The following GLI3 variants were observed in gnomAD, a reference collection of about 807,000 sequenced individuals.
GLI3 encodes transcription activator GLI3.
A neutral mutation model predicts 100.8 loss-of-function variants in GLI3; 20 were observed. That is an observed-to-expected ratio of 0.20 (90% CI 0.14 to 0.29). The LOEUF (loss-of-function observed/expected upper bound fraction) is 0.29, where lower values mean the gene tolerates loss of function less well. Ranked by LOEUF, GLI3 falls within the 10% of genes least tolerant of loss-of-function variation. The pLI is 1.00. For synonymous variants in GLI3, 938 were observed against 860.5 expected, an observed-to-expected ratio of 1.09 and a Z score of -1.58; for missense variants, 2,040 against 2,128.5, an observed-to-expected ratio of 0.96 and a Z score of 0.82.
At position 41,964,681 on chromosome 7, in the gene GLI3, G is replaced by T. The variant is rs566409623; in HGVS notation, c.4392C>A (p.Asp1464Glu). The part of the protein sequence containing the change: ...DTKAGSFSIS[D>E]ASCLLQGTSA... ...TGGTCCCCTGTAGCAGGCAGCTGGC[G>T]TCTGAAATAGAGAATGAACCAGCTT... Residue 1464 changes from aspartate to glutamate, a missense_variant, in exon 15 of 15, where the codon GAC (aspartate) becomes GAA (glutamate). By Grantham distance (45) the Asp-to-Glu change is conservative (BLOSUM62 2). Around this residue, in one of 5 missense-constraint regions of GLI3, gnomAD observed 1,041 missense variants for 924.0 expected, o/e 1.13. Transcript: ENST00000395925. The T allele has an allele frequency of 4.0e-5, 65 of 1,613,826 alleles. No homozygotes were observed. The highest frequency in any genetic ancestry group is 5.3e-5 in the Non-Finnish European group (63 of 1,179,838).
At chr7:42,045,828 T>C (rs2128741432) in intron 5 of GLI3, among the ~76,000 whole-genome samples, 1 of 152,334 alleles carries the variant, frequency 6.6e-6, no homozygotes, top group Admixed American at 6.5e-5. Context: ...CATAACCACA[T>C]TTGCCCCCCA....
chr7:41,980,323 G>A (rs1312405580), intron 10 of GLI3, among the ~76,000 whole-genome samples: 1 of 152,186 alleles, frequency 6.6e-6, no homozygotes, highest in East Asian at 1.9e-4. Flanking sequence ...GAGAACAGAT[G>A]TTCTGGACAG....
intron 6 of GLI3, among the ~76,000 whole-genome samples, chr7:42,040,681 A>G (rs1283372943): frequency 1.3e-5 from 2 of 152,150 alleles, no homozygotes; most frequent in Non-Finnish European, 2.9e-5. Context: ...AATGAATTAA[A>G]GTATCCTAAG....
intron 3 of GLI3, among the ~76,000 whole-genome samples, chr7:42,141,356 C>T (rs556789036): frequency 6.6e-6 from 1 of 152,244 alleles, no homozygotes; most frequent in South Asian, 2.1e-4. Context: ...GAGTGAAATG[C>T]CAGCTTATTC....
chr7:41,984,547 G>A (rs1177497482), intron 10 of GLI3, among the ~76,000 whole-genome samples: 4 of 152,154 alleles, frequency 2.6e-5, no homozygotes, highest in South Asian at 4.1e-4. Flanking sequence ...AACCCTGCCC[G>A]AGGGAATCAC....
At chr7:42,229,069 C>CA (rs375712179) in intron 1 of GLI3, among the ~76,000 whole-genome samples, 4 of 152,250 alleles carry the variant, frequency 2.6e-5, no homozygotes, top group Middle Eastern at 3.4e-3. Context: ...GCACCCATGC[C>CA]AAAGCCAACG....
chr7:42,197,360 G>A (rs773765932), intron 2 of GLI3, among the ~76,000 whole-genome samples: 16 of 152,272 alleles, frequency 1.1e-4, no homozygotes, highest in East Asian at 1.9e-4. Flanking sequence ...AAGATGCCCC[G>A]GCAGAAGTTA....
intron 2 of GLI3, among the ~76,000 whole-genome samples, chr7:42,194,221 C>A (rs1787882123): frequency 6.6e-6 from 1 of 152,126 alleles, no homozygotes; most frequent in Non-Finnish European, 1.5e-5. Context: ...GGTACACAGA[C>A]CACATCAAAA....
intron 3 of GLI3, 27 bp from the exon 4 acceptor site, chr7:42,076,884 T>C (rs1784889189): frequency 7.4e-7 from 1 of 1,348,240 alleles, no homozygotes; most frequent in Non-Finnish European, 1.1e-6. Flanking sequence ...GCCCAATCTA[T>C]ATCAAATGAA....
chr7:42,033,447 C>T (rs771759409), intron 7 of GLI3, among the ~76,000 whole-genome samples: 8 of 152,200 alleles, frequency 5.3e-5, no homozygotes, highest in Non-Finnish European at 1.0e-4. Context: ...TAGTTTACTA[C>T]AGGCCGAAGA....
chr7:42,188,175 G>A (rs1051474849), intron 2 of GLI3, among the ~76,000 whole-genome samples: 2 of 152,020 alleles, frequency 1.3e-5, no homozygotes, highest in African/African-American at 4.8e-5. Flanking sequence ...TTCTAGAGCC[G>A]TCAGAGGGAG....
intron 2 of GLI3, among the ~76,000 whole-genome samples, chr7:42,193,884 C>T (rs1330767504): frequency 6.6e-6 from 1 of 152,168 alleles, no homozygotes; most frequent in African/African-American, 2.4e-5. Flanking sequence ...TAGCATGTTC[C>T]CATATTTGCC....
At chr7:42,247,308 C>T (rs866846993) in intron 1 of GLI3, among the ~76,000 whole-genome samples, 2 of 152,162 alleles carry the variant, frequency 1.3e-5, no homozygotes, top group African/African-American at 2.4e-5. Flanking sequence ...CTTCTTCCAG[C>T]CCCCAGTTGT....
chr7:42,041,414 A>G (rs1379907563), intron 6 of GLI3, among the ~76,000 whole-genome samples: 1 of 152,250 alleles, frequency 6.6e-6, no homozygotes, highest in African/African-American at 2.4e-5. Context: ...TGTGGCCCAC[A>G]GGTCCATTCT....
chr7:42,001,071 C>A (rs779281186), intron 10 of GLI3, among the ~76,000 whole-genome samples: 1 of 151,444 alleles, frequency 6.6e-6, no homozygotes, highest in African/African-American at 2.4e-5. Context: ...ATGGTGAAAC[C>A]CTGTCTCTAC....
At chr7:42,168,653 T>G (rs1448634706) in intron 2 of GLI3, among the ~76,000 whole-genome samples, 2 of 152,284 alleles carry the variant, frequency 1.3e-5, no homozygotes, top group Admixed American at 1.3e-4. Flanking sequence ...CAGTGGCTCA[T>G]GCCTGCAATC....
At chr7:42,134,931 T>G (rs1362290015) in intron 3 of GLI3, among the ~76,000 whole-genome samples, 2 of 152,100 alleles carry the variant, frequency 1.3e-5, no homozygotes, top group Non-Finnish European at 2.9e-5. Flanking sequence ...TGTGAATTTC[T>G]CAGAGTCCAT....
At chr7:42,187,958 G>A (rs1295642908) in intron 2 of GLI3, among the ~76,000 whole-genome samples, 4 of 136,582 alleles carry the variant, frequency 2.9e-5, no homozygotes, top group South Asian at 2.3e-4. Flanking sequence ...AGCCGAGATC[G>A]CGCCACTGCA....
At chr7:42,044,973 G>A (rs1164881701) in intron 6 of GLI3, among the ~76,000 whole-genome samples, 3 of 152,078 alleles carry the variant, frequency 2.0e-5, no homozygotes, top group Non-Finnish European at 4.4e-5. Context: ...CTGCAACACC[G>A]ACCTCCTGGG....
Sources: allele counts gnomAD v4.1 joint callset (sites outside exome capture counted in the v4.1 genomes callset), GRCh38; gene constraint gnomAD v4.1.1; regional missense constraint gnomAD v4.1.1; transcripts MANE v1.5; gene names NCBI Gene and HGNC (gene_info 2026-07-23, HGNC 2026-07-21).